Variants in RYR2 observed in about 807,000 individuals in gnomAD.
RYR2 encodes ryanodine receptor 2.
Under a neutral mutation model 601.1 loss-of-function variants are expected in RYR2, and 227 were observed. The observed-to-expected ratio is 0.38, with a 90% CI of 0.34 to 0.42. The LOEUF is 0.42. RYR2 is among the 10% of genes least tolerant of loss of function. RYR2 has a pLI of 1.00. For missense variants in RYR2, 4,646 were observed against 6,156.5 expected (o/e 0.75, Z 8.21); for synonymous variants, 2,223 against 2,175.1 (o/e 1.02, Z -0.61).
intron 58 of RYR2, among the ~76,000 whole-genome samples, chr1:237,671,096 C>T (rs1021474376): frequency 6.6e-6 from 1 of 152,150 alleles, no homozygotes. Context: ...CTAGTGGCAG[C>T]AGACTAAGTG....
intron 14 of RYR2, among the ~76,000 whole-genome samples, chr1:237,448,127 A>C (rs1657614531): frequency 6.6e-6 from 1 of 151,984 alleles, no homozygotes; most frequent in East Asian, 1.9e-4. Flanking sequence ...TGGTTTCACC[A>C]TGTTGCCCAG....
intron 27 of RYR2, among the ~76,000 whole-genome samples, chr1:237,552,143 A>G (rs1167784949): frequency 2.6e-5 from 4 of 152,200 alleles, no homozygotes; most frequent in Non-Finnish European, 4.4e-5. Flanking sequence ...GAGATGTGGT[A>G]CACGCATTAT....
rs762279155 is a variant in RYR2, at chr1:237,093,293, G to A, written c.48+50724G>A. Among the ~76,000 whole-genome samples, 4 of 152,156 alleles carry A rather than the reference G, an allele frequency of 2.6e-5. No individual in the cohort carries two copies. The South Asian group carries it at 8.3e-4, about 32-fold the overall frequency. On this transcript the variant is annotated intron_variant, in intron 1 of 104. Coordinates refer to ENST00000366574, the MANE Select transcript of RYR2 (RefSeq NM_001035.3). The stretch of plus-strand genomic sequence containing the variant: ...GTTGTAGTGACATTGGCTGGGACAC[G>A]ACCTCAGAAGCCCATAGTGATGGTG...
intron 42 of RYR2, 32 bp downstream of exon 42, chr1:237,631,573 G>A: frequency 1.5e-5 from 14 of 913,716 alleles, no homozygotes; most frequent in Non-Finnish European, 2.3e-5. Flanking sequence ...ATGCTATTTA[G>A]TATCATCTCC....
chr1:237,363,517 G>A lies in RYR2; in HGVS notation c.295-841G>A, dbSNP rs550065579. Among the ~76,000 whole-genome samples the A allele has an allele frequency of 2.4e-3, 372 of 152,038 alleles. 3 individuals carry two copies. Among genetic ancestry groups the A allele is most frequent in the Non-Finnish European group, 3.9e-3 (263 of 67,936 alleles). ...CCTTGCTGTTTTTCTTACAACTAGT[G>A]TCTCTATGGTATCTTTTCTCCATAG... is the stretch of plus-strand genomic sequence containing the variant. On this transcript the variant is annotated intron_variant, in intron 4 of 104. Transcript: ENST00000366574.
chr1:237,663,240 T>C (rs1430080671), intron 56 of RYR2, among the ~76,000 whole-genome samples: 1 of 152,266 alleles, frequency 6.6e-6, no homozygotes, highest in Non-Finnish European at 1.5e-5. Flanking sequence ...ATTTTCTTTT[T>C]TGACTGTCAT....
At chr1:237,790,522 C>T (rs1658247361) in intron 92 of RYR2, among the ~76,000 whole-genome samples, 1 of 152,078 alleles carries the variant, frequency 6.6e-6, no homozygotes, top group Non-Finnish European at 1.5e-5. Context: ...ACCAAGTCCT[C>T]CTGAAATCCT....
chr1:237,445,533 T>C lies in RYR2; in HGVS notation c.1292+11T>C, dbSNP rs938669248. The C allele has an allele frequency of 6.2e-7, 1 of 1,613,108 alleles. No individual in the cohort carries two copies. The highest frequency in any genetic ancestry group is 8.5e-7 in the Non-Finnish European group (1 of 1,179,390). On this transcript the variant is annotated intron_variant, in intron 14 of 104. Coordinates refer to ENST00000366574, the MANE Select transcript of RYR2 (RefSeq NM_001035.3). Reference sequence around the variant, plus strand: ...CAATAGATTTATAAGGTACTTTTTCTTTTGTAGGCGTAGTTGTTTGATACT... The same window carrying C: ...CAATAGATTTATAAGGTACTTTTTCCTTTGTAGGCGTAGTTGTTTGATACT...
At chr1:237,514,904 A>G (rs1666267653) in intron 24 of RYR2, among the ~76,000 whole-genome samples, 1 of 152,234 alleles carries the variant, frequency 6.6e-6, no homozygotes, top group Admixed American at 6.5e-5. Flanking sequence ...TTGTTTGTTT[A>G]ATAAATATAT....
Position 237,682,378 on chromosome 1 carries a change from CA to C in RYR2, c.9017+1802del, listed in dbSNP as rs1176978721. On this transcript the variant is annotated intron_variant, in intron 62 of 104. Transcript: ENST00000366574. Reference sequence around the variant, plus strand: ...CCTAGACCACCCCTCTCTCTAATGACACTGCACCAGAATATCTTTAATTATA... The same window carrying C: ...CCTAGACCACCCCTCTCTCTAATGACCTGCACCAGAATATCTTTAATTATA... Among the ~76,000 whole-genome samples the C allele has an allele frequency of 1.1e-4, 17 of 152,268 alleles. No individual in the cohort carries two copies. The East Asian group carries it at 2.7e-3, about 24-fold the overall frequency.
At chr1:237,390,787 G>C (rs16835197) in intron 10 of RYR2, among the ~76,000 whole-genome samples, 5,971 of 152,136 alleles carry the variant, frequency 0.039, 425 homozygotes, top group African/African-American at 0.14. Context: ...TTTCCAAATA[G>C]TCTTCTTGAT....
intron 101 of RYR2, among the ~76,000 whole-genome samples, chr1:237,827,916 G>T (rs1008577581): frequency 4.3e-5 from 5 of 117,514 alleles, no homozygotes; most frequent in African/African-American, 1.5e-4. Context: ...CAGCCTGGGT[G>T]ACAGAATGAG....
chr1:237,270,165 TA>T, intron 1 of RYR2: 1 of 404,804 alleles, frequency 2.5e-6, no homozygotes. Flanking sequence ...TTTTGATGAC[TA>T]AAATAGTGAC....
At position 237,700,256 on chromosome 1, in the gene RYR2, T is replaced by C. The variant is rs760836447; in HGVS notation, c.9156T>C (p.Ser3052=). 3.2e-6 allele frequency: 5 copies of C among 1,574,118 alleles called. No homozygotes were observed. In the Admixed American group the frequency reaches 9.3e-5, roughly 29 times the overall value. The change falls in exon 65 of 105, where the codon AGT becomes AGC. Residue 3052 remains serine, a synonymous_variant. Transcript: ENST00000366574. The part of the protein sequence containing the change: ...ARTVMKTGLE[S]VKSALRAFLD... ...CAGTGATGAAGACTGGCCTGGAGAG[T>C]GTTAAAAGTGCACTCAGAGCTTTTC... is the stretch of plus-strand genomic sequence containing the variant.
chr1:237,802,949 G>A (rs1180585044), intron 98 of RYR2, among the ~76,000 whole-genome samples: 1 of 152,156 alleles, frequency 6.6e-6, no homozygotes, highest in Non-Finnish European at 1.5e-5. Context: ...TATTTTAGTA[G>A]GCTTTTATCC....
chr1:237,168,663 G>A (rs1331346306), intron 1 of RYR2, among the ~76,000 whole-genome samples: 1 of 151,700 alleles, frequency 6.6e-6, no homozygotes, highest in East Asian at 1.9e-4. Context: ...GAGGGGGAAG[G>A]AATTTAGAAT....
chr1:237,176,227 A>C (rs564770433), intron 1 of RYR2, among the ~76,000 whole-genome samples: 3 of 140,252 alleles, frequency 2.1e-5, no homozygotes, highest in Non-Finnish European at 3.1e-5. Context: ...ATAGAGCAAG[A>C]CTCTGTCTCT....
intron 1 of RYR2, among the ~76,000 whole-genome samples, chr1:237,224,388 T>A (rs73121653): frequency 0.029 from 4,446 of 152,294 alleles, 219 homozygotes; most frequent in African/African-American, 0.1. Flanking sequence ...AGTTAAGGTT[T>A]TGAAAAGTCA....
At chr1:237,714,972 A>G (rs1321280057) in intron 71 of RYR2, among the ~76,000 whole-genome samples, 1 of 117,472 alleles carries the variant, frequency 8.5e-6, no homozygotes. Flanking sequence ...CAGCCTGGTG[A>G]CAGAGCGAGA....
Sources: allele counts gnomAD v4.1 joint callset (sites outside exome capture counted in the v4.1 genomes callset), GRCh38; gene constraint gnomAD v4.1.1; transcripts MANE v1.5; gene names NCBI Gene and HGNC (gene_info 2026-07-23, HGNC 2026-07-21).